PIEZO2: variants seen among roughly 807,000 people sequenced by gnomAD.
The protein encoded by PIEZO2 is piezo type mechanosensitive ion channel component 2.
PIEZO2 carries 172 observed loss-of-function variants against 337.3 expected under a neutral mutation model. That is an observed-to-expected ratio of 0.51 (90% CI 0.45 to 0.58). The LOEUF is 0.58. PIEZO2 is among the 20% of genes least tolerant of loss of function. The pLI, the probability that PIEZO2 is intolerant of heterozygous loss-of-function variation, is 0.00. For synonymous variants in PIEZO2, 1,251 were observed against 1,228.5 expected (o/e 1.02, Z -0.38); for missense variants, 3,028 against 3,391.3 (o/e 0.89, Z 2.66).
intron 45 of PIEZO2, 148 bp from the exon 46 acceptor site, chr18:10,696,687 G>A (rs1273858633): frequency 1.0e-5 from 9 of 863,202 alleles, no homozygotes; most frequent in South Asian, 6.9e-5. Context: ...GGATAGTCCC[G>A]CTGTGGACAG....
rs984837936 is a variant in PIEZO2, at chr18:10,929,515, G to A, written c.287-18287C>T. Among the ~76,000 whole-genome samples, 1 of 152,162 alleles carries A rather than the reference G, an allele frequency of 6.6e-6. No individual in the cohort carries two copies. The highest frequency in any genetic ancestry group is 1.5e-5 in the Non-Finnish European group (1 of 68,028). On this transcript the variant is annotated intron_variant, in intron 3 of 55. Transcript: ENST00000674853. The surrounding 1 kb of genome is among the most constrained non-coding windows in gnomAD (Gnocchi z 5.6). ...ACAAAAATTTTGCATTTCAAAAGTTGCATGTTGAGACCATTTCAAAAAAGG... is the reference window on the plus strand; with the variant it reads ...ACAAAAATTTTGCATTTCAAAAGTTACATGTTGAGACCATTTCAAAAAAGG...
intron 2 of PIEZO2, among the ~76,000 whole-genome samples, chr18:11,060,311 T>A (rs372037298): frequency 2.0e-5 from 3 of 151,272 alleles, no homozygotes; most frequent in Non-Finnish European, 2.9e-5. Flanking sequence ...AGCAGGAAAG[T>A]TCTAAAATTG....
intron 2 of PIEZO2, among the ~76,000 whole-genome samples, chr18:11,055,210 CAAA>C (rs11390110): frequency 2.5e-5 from 2 of 79,848 alleles, no homozygotes; most frequent in Non-Finnish European, 2.3e-5. Context: ...GACTCTGTCT[CAAA>C]AAAAAAAAAA....
At chr18:10,681,243 C>G (rs369540836) in intron 51 of PIEZO2, among the ~76,000 whole-genome samples, 6 of 152,258 alleles carry the variant, frequency 3.9e-5, no homozygotes, top group South Asian at 2.1e-4. Flanking sequence ...CCTTAATTTC[C>G]TCAACCAGCT....
intron 1 of PIEZO2, among the ~76,000 whole-genome samples, chr18:11,117,236 T>C (rs934491826): frequency 6.6e-6 from 1 of 152,238 alleles, no homozygotes; most frequent in African/African-American, 2.4e-5. Flanking sequence ...ACACATTATT[T>C]GCCTGCATCA....
chr18:10,930,239 A>T (rs914808494), intron 3 of PIEZO2, among the ~76,000 whole-genome samples: 6 of 152,172 alleles, frequency 3.9e-5, no homozygotes, highest in Admixed American at 2.0e-4. Context: ...ACACCCTTTA[A>T]GATCCCATAA....
Position 11,090,445 on chromosome 18 carries a change from C to T in PIEZO2, c.65-24223G>A, listed in dbSNP as rs764083410. 3.5e-4 allele frequency among the ~76,000 whole-genome samples: 54 copies of T among 152,282 alleles called. 1 individual carries two copies. Among genetic ancestry groups the T allele is most frequent in the Non-Finnish European group, 7.1e-4 (48 of 68,028 alleles). ...TCAATGCAGGATGCACCAAATTTGA[C>T]ACAGTCTAATGGGTTTACAATACCC... On this transcript the variant is annotated intron_variant, in intron 1 of 55. Coordinates refer to ENST00000674853, the MANE Select transcript of PIEZO2 (RefSeq NM_001378183.1).
intron 2 of PIEZO2, among the ~76,000 whole-genome samples, chr18:11,015,333 TG>T (rs1044430259): frequency 4.6e-5 from 7 of 152,048 alleles, no homozygotes; most frequent in African/African-American, 1.7e-4. Flanking sequence ...CTCCTCAGTA[TG>T]GGGCATGCCA....
Position 10,993,417 on chromosome 18 carries a change from GA to G in PIEZO2, c.161-13758del, listed in dbSNP as rs2035182373. Among the ~76,000 whole-genome samples, 1 of 152,194 alleles carries G rather than the reference GA, an allele frequency of 6.6e-6. No individual in the cohort carries two copies. Among genetic ancestry groups the G allele is most frequent in the Non-Finnish European group, 1.5e-5 (1 of 68,038 alleles). ...CTAGTTTATTGAGAGTTTTTAGCAT[GA>G]AGGGGTGTTGAATTTTGTTGAAAGC... On this transcript the variant is annotated intron_variant, in intron 2 of 55. Coordinates refer to ENST00000674853, the MANE Select transcript of PIEZO2 (RefSeq NM_001378183.1). The surrounding 1 kb of genome is among the most constrained non-coding windows in gnomAD (Gnocchi z 5.0).
intron 4 of PIEZO2, among the ~76,000 whole-genome samples, chr18:10,874,071 C>T (rs116049992): frequency 0.014 from 2,100 of 152,066 alleles, 53 homozygotes; most frequent in African/African-American, 0.048. Flanking sequence ...AACTATCCAG[C>T]TGAAAGGAAT....
Position 11,038,011 on chromosome 18 carries a change from T to C in PIEZO2, c.160+28116A>G, listed in dbSNP as rs1218693678. 1.3e-5 allele frequency among the ~76,000 whole-genome samples: 2 copies of C among 152,212 alleles called. No homozygotes were observed. Among genetic ancestry groups the C allele is most frequent in the African/African-American group, 4.8e-5 (2 of 41,456 alleles). ...CCCCATTGCCACACACTTGTATGCA[T>C]TTATGTCCACCTGGACTTCTGAGTT... On this transcript the variant is annotated intron_variant, in intron 2 of 55. Coordinates refer to ENST00000674853, the MANE Select transcript of PIEZO2 (RefSeq NM_001378183.1). The surrounding 1 kb of genome is among the most constrained non-coding windows in gnomAD (Gnocchi z 4.1).
chr18:10,903,980 T>C lies in PIEZO2; in HGVS notation c.329+7206A>G, dbSNP rs1333118934. ...TAGATATCATTAGAATAGCACCTGGTACACAGCAGCAGCAGCTGCTCCAAA... is the reference window on the plus strand; with the variant it reads ...TAGATATCATTAGAATAGCACCTGGCACACAGCAGCAGCAGCTGCTCCAAA... On this transcript the variant is annotated intron_variant, in intron 4 of 55. Transcript: ENST00000674853. The surrounding 1 kb of genome is among the most constrained non-coding windows in gnomAD (Gnocchi z 4.1). Among the ~76,000 whole-genome samples the C allele has an allele frequency of 6.6e-6, 1 of 152,194 alleles. No individual in the cohort carries two copies. Among genetic ancestry groups the C allele is most frequent in the Admixed American group, 6.5e-5 (1 of 15,282 alleles).
intron 1 of PIEZO2, among the ~76,000 whole-genome samples, chr18:11,147,178 AG>A (rs965118981): frequency 7.9e-5 from 12 of 152,218 alleles, no homozygotes; most frequent in African/African-American, 2.9e-4. Flanking sequence ...GCTCTGTGGA[AG>A]CTTAGCTCTT....
Position 10,773,465 on chromosome 18 carries a change from G to A in PIEZO2, c.2732C>T (p.Ser911Leu). Reference sequence around the variant, plus strand: ...CTCCTCTTCCTCTCCGTCCTCCTCTGACTCCTCGCTGTCTTTCCCAAGATC... The same window carrying A: ...CTCCTCTTCCTCTCCGTCCTCCTCTAACTCCTCGCTGTCTTTCCCAAGATC... ...KGDLGKDSEE[S>L]EEDGEEEEES... Residue 911 changes from serine to leucine, a missense_variant, in exon 20 of 56, where the codon TCA becomes TTA. Coordinates refer to ENST00000674853, the MANE Select transcript of PIEZO2 (RefSeq NM_001378183.1). The surrounding 1 kb of genome is among the most constrained non-coding windows in gnomAD (Gnocchi z 5.3). 2.0e-6 allele frequency: 3 copies of A among 1,537,296 alleles called. No individual in the cohort carries two copies. The highest frequency in any genetic ancestry group is 2.6e-6 in the Non-Finnish European group (3 of 1,146,956).
Position 10,975,979 on chromosome 18 carries a change from G to C in PIEZO2, c.286+3556C>G, listed in dbSNP as rs148213722. Among the ~76,000 whole-genome samples the C allele has an allele frequency of 1.3e-3, 201 of 152,236 alleles. 1 individual carries two copies. The East Asian group carries it at 0.028, about 21-fold the overall frequency. ...TGTTATCTATGCAGATGCCAAAAAAGGATAAACTTCAAATTTGGGATATCG... is the reference window on the plus strand; with the variant it reads ...TGTTATCTATGCAGATGCCAAAAAACGATAAACTTCAAATTTGGGATATCG... On this transcript the variant is annotated intron_variant, in intron 3 of 55. Transcript: ENST00000674853.
rs777609804 is a variant in PIEZO2 at position 10,903,296 on chromosome 18, C to T, written c.329+7890G>A. Among the ~76,000 whole-genome samples, 1 of 152,116 alleles carries T rather than the reference C, an allele frequency of 6.6e-6. No homozygotes were observed. The highest frequency in any genetic ancestry group is 1.5e-5 in the Non-Finnish European group (1 of 68,024). On this transcript the variant is annotated intron_variant, in intron 4 of 55. Coordinates refer to ENST00000674853, the MANE Select transcript of PIEZO2 (RefSeq NM_001378183.1). This position sits in a 1 kb window ranked among gnomAD's most constrained non-coding sequence, Gnocchi z 4.1. ...GGCTCATCTGGTCTATATTGCTGCT[C>T]GAGTGACATTTCTAGAAGCACATCT...
chr18:10,763,245 G>T, intron 21 of PIEZO2, 147 bp from the exon 22 acceptor site: 1 of 813,132 alleles, frequency 1.2e-6, no homozygotes, highest in Non-Finnish European at 1.9e-6. Context: ...CCTAGGTGCT[G>T]GGGTACTAAA....
At chr18:10,963,903 C>T (rs2033891796) in intron 3 of PIEZO2, among the ~76,000 whole-genome samples, 1 of 151,840 alleles carries the variant, frequency 6.6e-6, no homozygotes, top group Non-Finnish European at 1.5e-5. Flanking sequence ...TCAAGTTTCA[C>T]AATAAAAAGG....
intron 2 of PIEZO2, among the ~76,000 whole-genome samples, chr18:11,058,406 T>C (rs905716949): frequency 6.6e-6 from 1 of 152,028 alleles, no homozygotes; most frequent in Non-Finnish European, 1.5e-5. Flanking sequence ...TCACCAGCAA[T>C]GGAACAAAGC....
Sources: gnomAD v4.1 joint callset for allele counts (sites outside exome capture counted in the v4.1 genomes callset) on GRCh38, gnomAD v4.1.1 for gene constraint, Gnocchi (gnomAD v3.1) non-coding constraint, MANE v1.5 for transcripts, NCBI Gene and HGNC (gene_info 2026-07-23, HGNC 2026-07-21) for gene names.